The following ATP2C1 variants were observed in gnomAD, a reference collection of about 807,000 sequenced individuals.
ATP2C1 encodes calcium-transporting ATPase type 2C member 1.
Under a neutral mutation model 120.5 loss-of-function variants are expected in ATP2C1, and 31 were observed. The observed-to-expected ratio is 0.26, with a 90% CI of 0.19 to 0.35. The LOEUF is 0.35. ATP2C1 is among the 10% of genes least tolerant of loss of function. The pLI is 1.00. For synonymous variants in ATP2C1, 351 were observed against 358.7 expected (o/e 0.98, Z 0.24); for missense variants, 731 against 1,107.5 (o/e 0.66, Z 4.83).
chr3:130,905,505 G>A (rs2058081379), intron 2 of ATP2C1, among the ~76,000 whole-genome samples: 1 of 151,990 alleles, frequency 6.6e-6, no homozygotes, highest in Non-Finnish European at 1.5e-5. Flanking sequence ...TTCATTCCCT[G>A]GTGAGAAACA....
chr3:130,979,403 G>C lies in ATP2C1; in HGVS notation c.1725G>C (p.Glu575Asp), dbSNP rs2061658538. Residue 575 changes from glutamate (E) to aspartate (D), a missense_variant, in exon 19 of 28, where the codon GAG becomes GAC. Glu to Asp is a conservative substitution (Grantham distance 45). Around this residue, in one of 3 missense-constraint regions of ATP2C1, gnomAD observed 571 missense variants for 845.9 expected, o/e 0.67. Transcript: ENST00000510168. ...AAATGATTACTGGAGATTCACAGGAGACTGCAGTTGCAATCGGTATAACTA... is the reference window on the plus strand; with the variant it reads ...AAATGATTACTGGAGATTCACAGGACACTGCAGTTGCAATCGGTATAACTA... ...SIKMITGDSQ[E>D]TAVAIASRLG... 1 of 1,613,322 alleles carries C rather than the reference G, an allele frequency of 6.2e-7. No homozygotes were observed. Among genetic ancestry groups the C allele is most frequent in the South Asian group, 1.1e-5 (1 of 91,070 alleles).
rs2061699066 is a variant in ATP2C1 at position 130,980,283 on chromosome 3, G to C, written c.1742-299G>C. 2.2e-5 allele frequency among the ~76,000 whole-genome samples: 3 copies of C among 133,780 alleles called. No homozygotes were observed. In the South Asian group the frequency reaches 7.3e-4, roughly 32 times the overall value. The allele number at this position is 133,780 out of a possible 152,430, so 87.8% of individuals were successfully genotyped here. A position where few individuals can be genotyped will look rare whatever the true frequency, so the allele number is the denominator to read the frequency against. On this transcript the variant is annotated intron_variant, in intron 19 of 27. Transcript: ENST00000510168. ...TTTTTTCCTGTAGAGACAGGGTCTT[G>C]CTATATTGCCCAGGCTGGTCTTGAA...
At chr3:130,994,402 G>T (rs2062502400) in intron 22 of ATP2C1, among the ~76,000 whole-genome samples, 2 of 152,124 alleles carry the variant, frequency 1.3e-5, no homozygotes, top group African/African-American at 4.8e-5. Context: ...AATTCAGGTA[G>T]TTAGAAATAT....
intron 1 of ATP2C1, among the ~76,000 whole-genome samples, chr3:130,859,223 T>A (rs2067939228): frequency 6.6e-6 from 1 of 152,224 alleles, no homozygotes; most frequent in Admixed American, 6.5e-5. Flanking sequence ...AAATACTCCA[T>A]AGTCTTAGCA....
intron 8 of ATP2C1, among the ~76,000 whole-genome samples, chr3:130,952,352 A>G (rs1390933275): frequency 2.6e-5 from 4 of 152,172 alleles, no homozygotes; most frequent in Admixed American, 1.3e-4. Context: ...AATGTTGTTG[A>G]TCAAATTAAA....
chr3:130,919,799 C>T (rs2058868905), intron 2 of ATP2C1, among the ~76,000 whole-genome samples: 2 of 152,210 alleles, frequency 1.3e-5, no homozygotes, highest in Non-Finnish European at 2.9e-5. Flanking sequence ...CACCATTTTG[C>T]ATTCCCACCA....
intron 14 of ATP2C1, among the ~76,000 whole-genome samples, chr3:130,966,006 A>G (rs931550969): frequency 1.3e-5 from 2 of 152,176 alleles, no homozygotes; most frequent in Admixed American, 6.6e-5. Context: ...GAAGGTGCTT[A>G]TGGACAGGTC....
rs2062888025 is a variant in ATP2C1, at chr3:131,001,613, A to G, written c.*263A>G. ...AAGCATATGGTCAGTTATTTAATTA[A>G]AAAGGCAAAACCTGAACCACCTTCT... On this transcript the variant is annotated 3_prime_UTR_variant, in exon 28 of 28. Transcript: ENST00000510168. 1 of 1,130,602 alleles carries G rather than the reference A, an allele frequency of 8.8e-7. No individual in the cohort carries two copies. Among genetic ancestry groups the G allele is most frequent in the African/African-American group, 1.6e-5 (1 of 61,146 alleles). 70.0% of individuals were successfully genotyped at this position (1,130,602 alleles called of 1,614,324 possible).
At chr3:130,895,476 A>G (rs1035615173) in intron 2 of ATP2C1, among the ~76,000 whole-genome samples, 4 of 152,210 alleles carry the variant, frequency 2.6e-5, no homozygotes, top group Non-Finnish European at 5.9e-5. Flanking sequence ...GATTATTTTT[A>G]AAATTGTTGA....
chr3:130,954,991 T>C (rs1431279689), intron 9 of ATP2C1, 21 bp from the exon 10 acceptor site: 1 of 1,585,482 alleles, frequency 6.3e-7, no homozygotes. Flanking sequence ...TGTAAATGTA[T>C]TTTCCTGTTT....
chr3:130,946,791 G>C (rs1000233636), intron 8 of ATP2C1, among the ~76,000 whole-genome samples: 1 of 152,222 alleles, frequency 6.6e-6, no homozygotes, highest in Non-Finnish European at 1.5e-5. Context: ...TAAGCATGTA[G>C]TGATATTTTA....
At chr3:130,870,104 C>T (rs1447857834) in intron 1 of ATP2C1, among the ~76,000 whole-genome samples, 2 of 152,056 alleles carry the variant, frequency 1.3e-5, no homozygotes, top group African/African-American at 4.8e-5. Flanking sequence ...AACAACAGAG[C>T]CTGTAGGACA....
Position 130,888,310 on chromosome 3 carries a change from C to A in ATP2C1, c.108+37382C>A, listed in dbSNP as rs111634833. On this transcript the variant is annotated intron_variant, in intron 1 of 26. Transcript: ENST00000504381. Reference sequence around the variant, plus strand: ...TGGGGGAAGGATGGCACAAGCACTCCCTTAGATTCCCTGGCTAGTGTCTCC... The same window carrying A: ...TGGGGGAAGGATGGCACAAGCACTCACTTAGATTCCCTGGCTAGTGTCTCC... 1.6e-3 allele frequency among the ~76,000 whole-genome samples: 238 copies of A among 152,266 alleles called. 1 individual carries two copies. The highest frequency in any genetic ancestry group is 2.7e-3 in the Non-Finnish European group (182 of 68,014).
intron 4 of ATP2C1, among the ~76,000 whole-genome samples, chr3:130,933,716 G>T (rs1168741195): frequency 2.0e-5 from 3 of 152,210 alleles, no homozygotes; most frequent in Non-Finnish European, 1.5e-5. Flanking sequence ...TATGCCTAAA[G>T]ATTTTGATTT....
intron 3 of ATP2C1, among the ~76,000 whole-genome samples, chr3:130,930,906 G>A (rs1355040874): frequency 2.0e-5 from 3 of 152,074 alleles, no homozygotes; most frequent in South Asian, 2.1e-4. Flanking sequence ...AATAATTAAC[G>A]TAAGTAGTGG....
At chr3:130,855,478 G>C (rs569799015) in intron 1 of ATP2C1, among the ~76,000 whole-genome samples, 48 of 152,286 alleles carry the variant, frequency 3.2e-4, no homozygotes, top group Middle Eastern at 6.8e-3. Flanking sequence ...ATTATCCTTA[G>C]TAAGCAGAGG....
At chr3:130,884,071 A>G (rs1212727745) in intron 1 of ATP2C1, among the ~76,000 whole-genome samples, 4 of 150,954 alleles carry the variant, frequency 2.6e-5, no homozygotes, top group Admixed American at 1.3e-4. Context: ...CCTCCCGAGT[A>G]GCTGGATTAC....
intron 21 of ATP2C1, 124 bp downstream of exon 21, chr3:130,993,125 T>G (rs894878263): frequency 1.3e-6 from 1 of 781,616 alleles, no homozygotes; most frequent in Non-Finnish European, 2.1e-6. Context: ...CAAAACAGTT[T>G]TTTTTTTTTG....
chr3:130,880,910 G>C (rs991639789), intron 1 of ATP2C1, among the ~76,000 whole-genome samples: 2 of 152,178 alleles, frequency 1.3e-5, no homozygotes, highest in African/African-American at 4.8e-5. Flanking sequence ...ACAGTGGAGA[G>C]AGATGATTTC....
Sources: gnomAD v4.1 joint callset for allele counts (sites outside exome capture counted in the v4.1 genomes callset) on GRCh38, gnomAD v4.1.1 for gene constraint, gnomAD v4.1.1 regional missense constraint, MANE v1.5 for transcripts, NCBI Gene and HGNC (gene_info 2026-07-23, HGNC 2026-07-21) for gene names.